SIL1: variants seen among roughly 807,000 people sequenced by gnomAD.
The protein encoded by SIL1 is SIL1 nucleotide exchange factor, also known as nucleotide exchange factor SIL1.
SIL1 carries 40 observed loss-of-function variants against 49.1 expected under a neutral mutation model. The observed-to-expected ratio is 0.81, with a 90% CI of 0.63 to 1.06. The LOEUF is 1.06. Among genes scored for constraint, SIL1 ranks in the 50% least tolerant of loss-of-function variants. The pLI is 0.00. For synonymous variants in SIL1, 253 were observed against 250.8 expected (o/e 1.01, Z -0.08); for missense variants, 500 against 572.6 (o/e 0.87, Z 1.29).
chr5:139,192,782 G>A (rs1157248157), intron 1 of SIL1, among the ~76,000 whole-genome samples: 1 of 151,580 alleles, frequency 6.6e-6, no homozygotes, highest in Non-Finnish European at 1.5e-5. Flanking sequence ...AGAAATGCTT[G>A]AGCCCAGAAG....
rs962579753 is a variant in SIL1, at chr5:139,046,452, C to T, written c.354-3733G>A. ...ATACCTCTCCAATCTCATCTCCTAT[C>T]GATTTCCTTCCTTCTCTCTTCTCCT... On this transcript the variant is annotated intron_variant, in intron 4 of 9. Coordinates refer to ENST00000394817, the MANE Select transcript of SIL1 (RefSeq NM_022464.5). Among the ~76,000 whole-genome samples, 3 of 152,160 alleles carry T rather than the reference C, an allele frequency of 2.0e-5. No individual in the cohort carries two copies. In the South Asian group the frequency reaches 6.2e-4, roughly 32 times the overall value.
At chr5:139,087,428 C>T (rs895617154) in intron 3 of SIL1, among the ~76,000 whole-genome samples, 2 of 152,136 alleles carry the variant, frequency 1.3e-5, no homozygotes, top group African/African-American at 4.8e-5. Flanking sequence ...CCTATAATCC[C>T]AGCTACTTAG....
chr5:139,045,281 C>T (rs952465094), intron 4 of SIL1, among the ~76,000 whole-genome samples: 12 of 152,140 alleles, frequency 7.9e-5, no homozygotes, highest in African/African-American at 2.9e-4. Flanking sequence ...TGCTTGAGCC[C>T]AGGCTGTAGT....
At chr5:139,115,804 AT>A (rs764981203) in intron 3 of SIL1, among the ~76,000 whole-genome samples, 1 of 152,206 alleles carries the variant, frequency 6.6e-6, no homozygotes, top group Non-Finnish European at 1.5e-5. Context: ...CAAATTATTA[AT>A]GTCAAACCTG....
chr5:138,957,275 A>C (rs1580981575), intron 7 of SIL1, among the ~76,000 whole-genome samples: 1 of 152,244 alleles, frequency 6.6e-6, no homozygotes, highest in African/African-American at 2.4e-5. Context: ...TGCTTTAAAA[A>C]ATTACAGAAA....
chr5:139,001,766 G>A (rs578196179), intron 7 of SIL1, among the ~76,000 whole-genome samples: 9 of 152,210 alleles, frequency 5.9e-5, no homozygotes, highest in East Asian at 1.9e-4. Flanking sequence ...TTAGCTGGGC[G>A]TGGTGGCGGG....
At chr5:139,050,758 A>G (rs75972742) in intron 4 of SIL1, among the ~76,000 whole-genome samples, 180 bp downstream of exon 4, 14 of 152,242 alleles carry the variant, frequency 9.2e-5, no homozygotes, top group Admixed American at 2.0e-4. Flanking sequence ...TTTGCAAACT[A>G]TCTCTTTCCA....
chr5:139,030,858 T>C (rs1365926813), intron 5 of SIL1, among the ~76,000 whole-genome samples: 1 of 152,106 alleles, frequency 6.6e-6, no homozygotes, highest in Non-Finnish European at 1.5e-5. Flanking sequence ...TACTATTGCT[T>C]TTTCATTTCT....
At chr5:139,120,633 T>C (rs978635534) in intron 3 of SIL1, among the ~76,000 whole-genome samples, 5 of 152,224 alleles carry the variant, frequency 3.3e-5, no homozygotes, top group Admixed American at 2.6e-4. Flanking sequence ...AACAGAATAC[T>C]CCTGCCCCAC....
rs550941079 is a variant in SIL1, at chr5:139,004,718, G to A, written c.767+16453C>T. 2.6e-5 allele frequency among the ~76,000 whole-genome samples: 4 copies of A among 152,122 alleles called. No homozygotes were observed. The East Asian group carries it at 7.7e-4, about 29-fold the overall frequency. On this transcript the variant is annotated intron_variant, in intron 7 of 9. Transcript: ENST00000394817. ...TGAATCAACCTAACTGTCCATTAATGAATGAATGGATAAAGAAAATGTGAT... is the reference window on the plus strand; with the variant it reads ...TGAATCAACCTAACTGTCCATTAATAAATGAATGGATAAAGAAAATGTGAT...
chr5:139,015,797 A>G (rs1198580812), intron 7 of SIL1, among the ~76,000 whole-genome samples: 1 of 152,228 alleles, frequency 6.6e-6, no homozygotes, highest in Non-Finnish European at 1.5e-5. Context: ...CTCTAAACTA[A>G]TACACATCCA....
intron 7 of SIL1, among the ~76,000 whole-genome samples, chr5:139,014,972 G>C (rs1388429567): frequency 5.9e-5 from 9 of 152,252 alleles, no homozygotes; most frequent in Non-Finnish European, 1.2e-4. Flanking sequence ...AGCCAGTGGG[G>C]CTATACACTC....
At chr5:138,958,096 C>A (rs1406205016) in intron 7 of SIL1, among the ~76,000 whole-genome samples, 4 of 152,204 alleles carry the variant, frequency 2.6e-5, no homozygotes, top group African/African-American at 9.6e-5. Flanking sequence ...TAATTTTGAC[C>A]CCACGTCCGA....
chr5:139,045,788 T>C (rs1769146276), intron 4 of SIL1, among the ~76,000 whole-genome samples: 1 of 152,216 alleles, frequency 6.6e-6, no homozygotes, highest in African/African-American at 2.4e-5. Flanking sequence ...AATGAGGCTT[T>C]ATCCTGAATC....
chr5:139,072,609 T>C (rs1393364532), intron 3 of SIL1, among the ~76,000 whole-genome samples: 2 of 152,148 alleles, frequency 1.3e-5, no homozygotes, highest in Non-Finnish European at 2.9e-5. Context: ...ATGAAACTAC[T>C]GGAAGAAAAT....
intron 7 of SIL1, among the ~76,000 whole-genome samples, chr5:138,994,554 T>C (rs1767822990): frequency 6.6e-6 from 1 of 152,220 alleles, no homozygotes; most frequent in Non-Finnish European, 1.5e-5. Flanking sequence ...ATTTACTGCA[T>C]TCTAGCTTAA....
chr5:139,076,029 C>T (rs1348227204), intron 3 of SIL1, among the ~76,000 whole-genome samples: 1 of 152,178 alleles, frequency 6.6e-6, no homozygotes, highest in African/African-American at 2.4e-5. Context: ...CTTCCCAAGA[C>T]CCTAATGTCC....
At chr5:139,044,004 C>A (rs1332622957) in intron 4 of SIL1, among the ~76,000 whole-genome samples, 1 of 152,124 alleles carries the variant, frequency 6.6e-6, no homozygotes, top group African/African-American at 2.4e-5. Flanking sequence ...TCCAGCAGGC[C>A]TCAGCTCTCA....
chr5:139,035,202 A>G, intron 5 of SIL1: 1 of 421,796 alleles, frequency 2.4e-6, no homozygotes, highest in South Asian at 2.1e-5. Flanking sequence ...TGATGTCATG[A>G]GGTGACGGCC....
Sources: allele counts gnomAD v4.1 joint callset (sites outside exome capture counted in the v4.1 genomes callset), GRCh38; gene constraint gnomAD v4.1.1; transcripts MANE v1.5; gene names NCBI Gene and HGNC (gene_info 2026-07-23, HGNC 2026-07-21).